LAMA4: variants seen among roughly 807,000 people sequenced by gnomAD.
LAMA4 encodes laminin subunit alpha-4.
Under a neutral mutation model 207.1 loss-of-function variants are expected in LAMA4, and 127 were observed. That is an observed-to-expected ratio of 0.61 (90% confidence interval 0.53 to 0.71). LAMA4 has a LOEUF of 0.71. Among genes scored for constraint, LAMA4 ranks in the 30% least tolerant of loss-of-function variants. The probability of loss-of-function intolerance (pLI) is 0.00; values close to 1 mark genes in which losing one functional copy is unlikely to be tolerated. For missense variants in LAMA4, 2,093 were observed against 2,246.5 expected (o/e 0.93, Z 1.38); for synonymous variants, 761 against 816.0 (o/e 0.93, Z 1.15).
chr6:112,155,045 C>G, intron 15 of LAMA4, 98 bp from the exon 16 acceptor site: 1 of 839,100 alleles, frequency 1.2e-6, no homozygotes, highest in Non-Finnish European at 2.1e-6. Context: ...CTGCTAAACA[C>G]CAAGCAAAAT....
intron 2 of LAMA4, among the ~76,000 whole-genome samples, chr6:112,246,802 G>A (rs1232713848): frequency 2.2e-4 from 34 of 152,200 alleles, no homozygotes; most frequent in Admixed American, 2.2e-3. Flanking sequence ...TTACAGGCGT[G>A]AGCCACCGTG....
intron 9 of LAMA4, 97 bp from the exon 10 acceptor site, chr6:112,178,329 C>T (rs1317914474): frequency 6.1e-6 from 5 of 824,822 alleles, no homozygotes; most frequent in African/African-American, 3.4e-5. Context: ...ATTTCCTAAA[C>T]GTAAATCTTC....
intron 10 of LAMA4, among the ~76,000 whole-genome samples, chr6:112,176,643 AT>A (rs1327122867): frequency 6.6e-6 from 1 of 152,072 alleles, no homozygotes; most frequent in Non-Finnish European, 1.5e-5. Context: ...AAATGTAAAT[AT>A]TTTTTCCTCA....
At chr6:112,229,657 A>C (rs989024724) in intron 2 of LAMA4, among the ~76,000 whole-genome samples, 5 of 152,214 alleles carry the variant, frequency 3.3e-5, no homozygotes, top group Non-Finnish European at 7.3e-5. Context: ...GACTGAACAG[A>C]GCTAACAAAT....
rs1778127186 is a variant in LAMA4, at chr6:112,118,000, C to T, written c.4822-102G>A. The T allele has an allele frequency of 8.8e-6, 8 of 912,300 alleles. No individual in the cohort carries two copies. In the South Asian group the frequency reaches 9.6e-5, roughly 11 times the overall value. The allele number at this position is 912,300 out of a possible 1,614,324, so 56.5% of individuals were successfully genotyped here. ...GAGTCCTGAAGGAACCCACGTAATT[C>T]CTTGTTTCATTTATTTCAGATATCT... On this transcript the variant is annotated intron_variant, in intron 34 of 38. Transcript: ENST00000230538. This position sits in a 1 kb window ranked among gnomAD's most constrained non-coding sequence, Gnocchi z 4.5.
chr6:112,151,574 T>C (rs551505515), intron 16 of LAMA4, among the ~76,000 whole-genome samples: 1 of 152,274 alleles, frequency 6.6e-6, no homozygotes, highest in South Asian at 2.1e-4. Context: ...TAGATCTTTA[T>C]GCGTAGCAAC....
At position 112,117,689 on chromosome 6, in the gene LAMA4, T is replaced by C; in HGVS notation, c.4981+50A>G. The C allele has an allele frequency of 6.4e-7, 1 of 1,561,114 alleles. No individual in the cohort carries two copies. The highest frequency in any genetic ancestry group is 8.8e-7 in the Non-Finnish European group (1 of 1,135,624). On this transcript the variant is annotated intron_variant, in intron 35 of 38. Transcript: ENST00000230538. The surrounding 1 kb of genome is among the most constrained non-coding windows in gnomAD (Gnocchi z 4.5). ...GGCCTGATATTCCCTGTTAGCCATCTCCAGGAAGAAGCATTTCATGACTCA... is the reference window on the plus strand; with the variant it reads ...GGCCTGATATTCCCTGTTAGCCATCCCCAGGAAGAAGCATTTCATGACTCA...
chr6:112,129,221 AC>A, intron 30 of LAMA4, 146 bp from the exon 31 acceptor site: 1 of 670,572 alleles, frequency 1.5e-6, no homozygotes, highest in Non-Finnish European at 2.6e-6. Flanking sequence ...ATGGGTCCTT[AC>A]CCATCAACCA....
chr6:112,224,057 C>A (rs931728789), intron 2 of LAMA4, among the ~76,000 whole-genome samples: 1 of 152,182 alleles, frequency 6.6e-6, no homozygotes, highest in South Asian at 2.1e-4. Context: ...CTGGGATCCA[C>A]GCATCTCTGG....
chr6:112,174,393 GC>G (rs1285281251), intron 11 of LAMA4, among the ~76,000 whole-genome samples: 1 of 152,226 alleles, frequency 6.6e-6, no homozygotes, highest in Non-Finnish European at 1.5e-5. Context: ...GTCACATGGA[GC>G]AGAGATGAGC....
intron 21 of LAMA4, 35 bp from the exon 22 acceptor site, chr6:112,140,957 T>TA (rs1396063529): frequency 6.4e-7 from 1 of 1,564,732 alleles, no homozygotes; most frequent in African/African-American, 1.4e-5. Context: ...TGTTATTATA[T>TA]AATTCATAGA....
intron 2 of LAMA4, among the ~76,000 whole-genome samples, chr6:112,246,415 G>A (rs1239007323): frequency 6.6e-6 from 1 of 151,922 alleles, no homozygotes; most frequent in Non-Finnish European, 1.5e-5. Flanking sequence ...AAACTCTAAA[G>A]TAGGGGAGTG....
chr6:112,131,961 G>A (rs536231338), intron 28 of LAMA4, among the ~76,000 whole-genome samples: 25 of 152,178 alleles, frequency 1.6e-4, no homozygotes, highest in African/African-American at 3.9e-4. Context: ...TTGAAATAAC[G>A]TATCTTTATA....
chr6:112,121,264 GA>G (rs1278986095), intron 32 of LAMA4, among the ~76,000 whole-genome samples: 1 of 152,150 alleles, frequency 6.6e-6, no homozygotes, highest in Non-Finnish European at 1.5e-5. Flanking sequence ...CGAGCGTGTA[GA>G]AATTAAACAA....
Position 112,168,428 on chromosome 6 carries a change from C to T in LAMA4, c.1552-3152G>A, listed in dbSNP as rs1023824669. Among the ~76,000 whole-genome samples, 5 of 149,110 alleles carry T rather than the reference C, an allele frequency of 3.4e-5. No individual in the cohort carries two copies. The East Asian group carries it at 6.2e-4, about 19-fold the overall frequency. ...TGGCACAATCTTAGCTCACTGCAAC[C>T]GCTGCCTCCCGGACTCAAGCAATTC... On this transcript the variant is annotated intron_variant, in intron 12 of 38. Coordinates refer to ENST00000230538, the MANE Select transcript of LAMA4 (RefSeq NM_001105206.3).
chr6:112,240,314 G>C (rs1403612784), intron 2 of LAMA4, among the ~76,000 whole-genome samples: 1 of 151,922 alleles, frequency 6.6e-6, no homozygotes, highest in Non-Finnish European at 1.5e-5. Flanking sequence ...TGGTATGTGA[G>C]ATGTTTTGAT....
At chr6:112,199,034 C>T (rs9487845) in intron 5 of LAMA4, among the ~76,000 whole-genome samples, 3,352 of 152,268 alleles carry the variant, frequency 0.022, 119 homozygotes, top group African/African-American at 0.076. Flanking sequence ...TTCTTTTCAA[C>T]ACTCTACTTT....
chr6:112,127,287 AG>A (rs1391824690), intron 31 of LAMA4, among the ~76,000 whole-genome samples: 2 of 152,126 alleles, frequency 1.3e-5, no homozygotes, highest in African/African-American at 4.8e-5. Flanking sequence ...AAGAGGCAAA[AG>A]AGCAGTATTA....
chr6:112,188,345 A>T (rs1782814951), intron 7 of LAMA4, among the ~76,000 whole-genome samples: 1 of 152,174 alleles, frequency 6.6e-6, no homozygotes, highest in Admixed American at 6.5e-5. Context: ...GATGCTTAGG[A>T]CCAGGCAGGC....
Sources: gnomAD v4.1 joint callset for allele counts (sites outside exome capture counted in the v4.1 genomes callset) on GRCh38, gnomAD v4.1.1 for gene constraint, Gnocchi (gnomAD v3.1) non-coding constraint, MANE v1.5 for transcripts, NCBI Gene and HGNC (gene_info 2026-07-23, HGNC 2026-07-21) for gene names.